JADE1: variants seen among roughly 807,000 people sequenced by gnomAD.
The protein encoded by JADE1 is jade family PHD finger 1.
JADE1 carries 14 observed loss-of-function variants against 81.8 expected under a neutral mutation model. The observed-to-expected ratio is 0.17, with a 90% CI of 0.11 to 0.27. The LOEUF (loss-of-function observed/expected upper bound fraction) is 0.27. Ranked by LOEUF, JADE1 falls within the 10% of genes least tolerant of loss-of-function variation. The probability of loss-of-function intolerance (pLI) is 1.00; values close to 1 mark genes in which losing one functional copy is unlikely to be tolerated. For missense variants in JADE1, 690 were observed against 1,047.9 expected (o/e 0.66, Z 4.71); for synonymous variants, 353 against 391.9 (o/e 0.90, Z 1.17).
intron 9 of JADE1, chr4:128,863,607 C>CGGCCCTGGAAGAGGCAGGATCCT: frequency 1.0e-6 from 1 of 985,410 alleles, no homozygotes; most frequent in Non-Finnish European, 1.2e-6. Context: ...CCGCGGATTC[C>CGGCCCTGGAAGAGGCAGGATCCT]GGCCCTGGAA....
At chr4:128,865,420 A>G (rs555186206) in intron 9 of JADE1, among the ~76,000 whole-genome samples, 15 of 152,172 alleles carry the variant, frequency 9.9e-5, no homozygotes, top group African/African-American at 2.6e-4. Flanking sequence ...GCACCTGGAG[A>G]TGGTTTAAAT....
Position 128,855,472 on chromosome 4 carries a change from G to A in JADE1, c.697-158G>A, listed in dbSNP as rs908116532. Among the ~76,000 whole-genome samples the A allele has an allele frequency of 1.4e-4, 21 of 152,344 alleles. 1 individual carries two copies. The highest frequency in any genetic ancestry group is 9.8e-4 in the Admixed American group (15 of 15,302). Reference sequence around the variant, plus strand: ...CTGTGAGGCTGCCGGGCATTTTCCCGAGGGGAGACGGTCGTAGCCAGGAAG... The same window carrying A: ...CTGTGAGGCTGCCGGGCATTTTCCCAAGGGGAGACGGTCGTAGCCAGGAAG... On this transcript the variant is annotated intron_variant, in intron 6 of 10. Coordinates refer to ENST00000226319, the MANE Select transcript of JADE1 (RefSeq NM_199320.4).
chr4:128,833,220 G>A (rs1156381874), intron 2 of JADE1, among the ~76,000 whole-genome samples: 1 of 152,106 alleles, frequency 6.6e-6, no homozygotes, highest in Non-Finnish European at 1.5e-5. Flanking sequence ...TGAGGCGCTT[G>A]TTGTTTCATA....
At position 128,849,068 on chromosome 4, in the gene JADE1, G is replaced by C. The variant is rs1430931665; in HGVS notation, c.385G>C (p.Val129Leu). The part of the protein sequence containing the change: ...SGSEPPELGY[V>L]DIRTLADSVC... ...CTCTGAGCCTCCCGAGTTGGGCTAT[G>C]TGGACATCCGGACGCTGGCTGACAG... Residue 129 changes from valine (V) to leucine (L), a missense_variant, in exon 5 of 11, where the codon GTG becomes CTG. Physicochemically the swap from Val to Leu is conservative, Grantham distance 32. This residue lies in a region of JADE1 where 98 missense variants were observed against 161.3 expected (regional missense o/e 0.61). Coordinates refer to ENST00000226319, the MANE Select transcript of JADE1 (RefSeq NM_199320.4). 1.2e-6 allele frequency: 2 copies of C among 1,614,086 alleles called. No individual in the cohort carries two copies. Among genetic ancestry groups the C allele is most frequent in the African/African-American group, 1.3e-5 (1 of 74,930 alleles).
At chr4:128,835,875 C>T (rs914356562) in intron 2 of JADE1, among the ~76,000 whole-genome samples, 9 of 152,196 alleles carry the variant, frequency 5.9e-5, no homozygotes, top group African/African-American at 1.2e-4. Context: ...CAGTTGGGGA[C>T]GGACAGGCAT....
intron 1 of JADE1, among the ~76,000 whole-genome samples, chr4:128,815,088 C>T (rs1262078914): frequency 8.4e-6 from 1 of 118,472 alleles, no homozygotes; most frequent in African/African-American, 3.2e-5. Flanking sequence ...CTTGCTCTGT[C>T]ACCCAGGCTG....
At chr4:128,840,086 A>G (rs1002513111) in intron 2 of JADE1, among the ~76,000 whole-genome samples, 7 of 152,302 alleles carry the variant, frequency 4.6e-5, no homozygotes, top group East Asian at 1.9e-4. Context: ...GCATCTTTGT[A>G]TATCTGTTTT....
Position 128,871,229 on chromosome 4 carries a change from G to A in JADE1, c.1622-126G>A. 3.3e-6 allele frequency: 3 copies of A among 895,842 alleles called. 1 individual carries two copies. 55.5% of individuals were successfully genotyped at this position (895,842 alleles called of 1,614,324 possible). ...AAAACCAAATTTGTACAAACTTGGT[G>A]GTGTAAGTGTTGTGTTGTTGGGTGG... On this transcript the variant is annotated intron_variant, in intron 10 of 10. Coordinates refer to ENST00000226319, the MANE Select transcript of JADE1 (RefSeq NM_199320.4). This position sits in a 1 kb window ranked among gnomAD's most constrained non-coding sequence, Gnocchi z 4.1.
chr4:128,817,520 A>G (rs904305710), intron 1 of JADE1, among the ~76,000 whole-genome samples: 7 of 152,234 alleles, frequency 4.6e-5, no homozygotes, highest in Non-Finnish European at 1.0e-4. Context: ...CACTTAAACC[A>G]GGGTAAGGAA....
chr4:128,871,847 G>A lies in JADE1; in HGVS notation c.2114G>A (p.Gly705Glu), dbSNP rs777729314. Reference protein sequence around the residue: ...LDNTRAATSPGVGQSAPGTRK... With the variant: ...LDNTRAATSPEVGQSAPGTRK... Reference sequence around the variant, plus strand: ...AACACAAGAGCTGCCACCTCCCCTGGAGTGGGGCAGTCAGCACCTGGCACA... The same window carrying A: ...AACACAAGAGCTGCCACCTCCCCTGAAGTGGGGCAGTCAGCACCTGGCACA... The change falls in exon 11 of 11, where the codon GGA becomes GAA. Residue 705 changes from glycine (G) to glutamate (E), a missense_variant. By Grantham distance (98) the Gly-to-Glu change is moderately conservative. Transcript: ENST00000226319. This position sits in a 1 kb window ranked among gnomAD's most constrained non-coding sequence, Gnocchi z 4.1. The A allele has an allele frequency of 1.2e-6, 2 of 1,614,026 alleles. No individual in the cohort carries two copies. Among genetic ancestry groups the A allele is most frequent in the Non-Finnish European group, 1.7e-6 (2 of 1,179,932 alleles).
chr4:128,863,271 A>C, intron 9 of JADE1: 1 of 985,368 alleles, frequency 1.0e-6, no homozygotes. Context: ...CTAATTGGGG[A>C]TGCTTCTTAG....
chr4:128,852,451 C>T (rs1228809542), intron 6 of JADE1, among the ~76,000 whole-genome samples, 183 bp downstream of exon 6: 1 of 152,200 alleles, frequency 6.6e-6, no homozygotes, highest in Non-Finnish European at 1.5e-5. Flanking sequence ...GAAATATATC[C>T]TCTGCTTTTG....
At chr4:128,858,899 C>T (rs9996611) in intron 8 of JADE1, among the ~76,000 whole-genome samples, 2,351 of 152,226 alleles carry the variant, frequency 0.015, 76 homozygotes, top group African/African-American at 0.054. Context: ...TGAGCCACCG[C>T]GCCTGGCTAT....
intron 8 of JADE1, among the ~76,000 whole-genome samples, chr4:128,858,006 C>G (rs1730938880): frequency 6.6e-6 from 1 of 152,126 alleles, no homozygotes; most frequent in Non-Finnish European, 1.5e-5. Flanking sequence ...AGAGGGGCAT[C>G]TGTGAGGAGT....
At chr4:128,824,270 T>A (rs6844446) in intron 1 of JADE1, among the ~76,000 whole-genome samples, 71,313 of 151,330 alleles carry the variant, frequency 0.47, 20,092 homozygotes, top group South Asian at 0.64. Context: ...TACAAAAAAA[T>A]ATATATATAT....
intron 1 of JADE1, 82 bp downstream of exon 1, chr4:128,809,959 C>G (rs1245271243): frequency 1.3e-5 from 2 of 155,496 alleles, no homozygotes; most frequent in Admixed American, 6.7e-5. Context: ...GGTCCGTGTG[C>G]GCGTCCCGGT....
intron 2 of JADE1, among the ~76,000 whole-genome samples, chr4:128,835,238 G>A (rs948599228): frequency 6.6e-6 from 1 of 152,172 alleles, no homozygotes; most frequent in African/African-American, 2.4e-5. Flanking sequence ...TCATACAGCT[G>A]GTTCAATATA....
At chr4:128,867,227 TC>T (rs1731847598) in intron 9 of JADE1, among the ~76,000 whole-genome samples, 3 of 152,182 alleles carry the variant, frequency 2.0e-5, no homozygotes, top group African/African-American at 4.8e-5. Flanking sequence ...TTCGCACACC[TC>T]ATAGCAACAC....
At chr4:128,851,740 T>C (rs1195841396) in intron 5 of JADE1, among the ~76,000 whole-genome samples, 1 of 152,178 alleles carries the variant, frequency 6.6e-6, no homozygotes, top group Non-Finnish European at 1.5e-5. Context: ...CATGGCTCAC[T>C]ATAGCCCCAA....
Sources: allele counts gnomAD v4.1 joint callset (sites outside exome capture counted in the v4.1 genomes callset), GRCh38; gene constraint gnomAD v4.1.1; regional missense constraint gnomAD v4.1.1; non-coding constraint Gnocchi (gnomAD v3.1); transcripts MANE v1.5; gene names NCBI Gene and HGNC (gene_info 2026-07-23, HGNC 2026-07-21).